Variants in CLP1 observed in about 807,000 individuals in gnomAD.
CLP1 encodes cleavage factor polyribonucleotide kinase subunit 1, also known as polyribonucleotide 5'-hydroxyl-kinase Clp1.
A neutral mutation model predicts 29.9 loss-of-function variants in CLP1; 18 were observed. The observed-to-expected ratio is 0.60, with a 90% CI of 0.42 to 0.89. CLP1 has a LOEUF of 0.89. Among genes scored for constraint, CLP1 ranks in the 40% least tolerant of loss-of-function variants. The pLI is 0.00. For missense variants in CLP1, 357 were observed against 544.8 expected (o/e 0.66, Z 3.43); for synonymous variants, 162 against 206.2 (o/e 0.79, Z 1.84).
At position 57,659,797 on chromosome 11, in the gene CLP1, G is replaced by A. The variant is rs184720631; in HGVS notation, c.321G>A (p.Ala107=). The A allele has an allele frequency of 6.2e-5, 100 of 1,614,142 alleles. No individual in the cohort carries two copies. The Middle Eastern group carries it at 6.6e-4, about 11-fold the overall frequency. Reference sequence around the variant, plus strand: ...CCTTGGAACAGATGCGGAGGCAAGCGGAAAAGGAAGAAGAGCGAGGTCCCC... The same window carrying A: ...CCTTGGAACAGATGCGGAGGCAAGCAGAAAAGGAAGAAGAGCGAGGTCCCC... ...HTALEQMRRQ[A]EKEEERGPRV... is the part of the protein sequence containing the mutation. Residue 107 remains alanine (A), a synonymous_variant, in exon 2 of 3, where the codon GCG becomes GCA. Coordinates refer to ENST00000533682, the MANE Select transcript of CLP1 (RefSeq NM_006831.3).
At chr11:57,658,298 T>G (rs897979797) in intron 1 of CLP1, among the ~76,000 whole-genome samples, 1 of 152,224 alleles carries the variant, frequency 6.6e-6, no homozygotes, top group Non-Finnish European at 1.5e-5. Context: ...GGTCAGGGCA[T>G]CTGTTACCTT....
At position 57,659,887 on chromosome 11, in the gene CLP1, C is replaced by G. The variant is rs376558702; in HGVS notation, c.411C>G (p.Tyr137Ter). Residue 137 changes from tyrosine (Y) to a stop codon, truncating the protein, a stop_gained, in exon 2 of 3, where the codon TAC (tyrosine) becomes TAG (stop). Coordinates refer to ENST00000533682, the MANE Select transcript of CLP1 (RefSeq NM_006831.3). LOFTEE classifies it high-confidence loss of function. Reference protein sequence around the residue: ...KSTVCRLLLNYAVRLGRRPTY... With the variant: ...KSTVCRLLLN ...CAGTGTGTCGCCTTCTGCTCAACTA[C>G]GCAGTGCGTTTGGGCCGCCGTCCCA... 2 of 1,614,182 alleles carry G rather than the reference C, an allele frequency of 1.2e-6. No homozygotes were observed. Among genetic ancestry groups the G allele is most frequent in the Non-Finnish European group, 1.7e-6 (2 of 1,180,042 alleles).
chr11:57,660,152 A>G, intron 2 of CLP1, 70 bp downstream of exon 2: 1 of 1,450,144 alleles, frequency 6.9e-7, no homozygotes, highest in Non-Finnish European at 9.2e-7. Flanking sequence ...GAAGTTTACT[A>G]GTTAACACTG....
chr11:57,660,099 G>T lies in CLP1; in HGVS notation c.606+17G>T, dbSNP rs776825880. 1 of 1,535,938 alleles carries T rather than the reference G, an allele frequency of 6.5e-7. No individual in the cohort carries two copies. The highest frequency in any genetic ancestry group is 2.0e-5 in the Admixed American group (1 of 48,984). ...TATAATAAGGTCAGAGCCAGAGAAA[G>T]GTGGGGTGGAGGGAAGGGCTGCTAT... On this transcript the variant is annotated intron_variant, in intron 2 of 2. Coordinates refer to ENST00000533682, the MANE Select transcript of CLP1 (RefSeq NM_006831.3).
rs781483809 is a variant in CLP1, at chr11:57,659,435, A to T, written c.-22-20A>T. Reference sequence around the variant, plus strand: ...GAAGACTGACTTATAATTAGATCTGATATTTAATTTGTGTTCTAGGCACAG... The same window carrying T: ...GAAGACTGACTTATAATTAGATCTGTTATTTAATTTGTGTTCTAGGCACAG... On this transcript the variant is annotated intron_variant, in intron 1 of 2. Transcript: ENST00000533682. 7 of 1,607,946 alleles carry T rather than the reference A, an allele frequency of 4.4e-6. No individual in the cohort carries two copies. In the East Asian group the frequency reaches 1.6e-4, roughly 36 times the overall value.
intron 2 of CLP1, 151 bp downstream of exon 2, chr11:57,660,233 T>C: frequency 1.2e-6 from 1 of 858,600 alleles, no homozygotes; most frequent in Admixed American, 3.3e-5. Flanking sequence ...TCTCAGATTG[T>C]TAAACATTTC....
Position 57,660,008 on chromosome 11 carries a change from T to C in CLP1, c.532T>C (p.Phe178Leu). ...IERPADVEEGFSIQAPLVYHF... is the reference protein window; with the variant it reads ...IERPADVEEGLSIQAPLVYHF... Reference sequence around the variant, plus strand: ...GCGGCCTGCAGATGTCGAAGAGGGTTTCTCTATCCAGGCCCCTCTGGTGTA... The same window carrying C: ...GCGGCCTGCAGATGTCGAAGAGGGTCTCTCTATCCAGGCCCCTCTGGTGTA... Residue 178 changes from phenylalanine to leucine, a missense_variant, in exon 2 of 3, where the codon TTC becomes CTC. Transcript: ENST00000533682. 6.2e-7 allele frequency: 1 copy of C among 1,613,250 alleles called. No individual in the cohort carries two copies. The highest frequency in any genetic ancestry group is 8.5e-7 in the Non-Finnish European group (1 of 1,179,658).
In CLP1 at chr11:57,660,102, G is replaced by A; in HGVS notation, c.606+20G>A. The A allele has an allele frequency of 6.5e-7, 1 of 1,532,478 alleles. No individual in the cohort carries two copies. The highest frequency in any genetic ancestry group is 1.3e-5 in the South Asian group (1 of 78,178). 94.9% of individuals were successfully genotyped at this position (1,532,478 alleles called of 1,614,324 possible). On this transcript the variant is annotated intron_variant, in intron 2 of 2. Coordinates refer to ENST00000533682, the MANE Select transcript of CLP1 (RefSeq NM_006831.3). ...AATAAGGTCAGAGCCAGAGAAAGGT[G>A]GGGTGGAGGGAAGGGCTGCTATCAG...
rs1945860335 is a variant in CLP1, at chr11:57,660,102, G to T, written c.606+20G>T. 1 of 1,532,478 alleles carries T rather than the reference G, an allele frequency of 6.5e-7. No individual in the cohort carries two copies. Among genetic ancestry groups the T allele is most frequent in the South Asian group, 1.3e-5 (1 of 78,178 alleles). The allele number at this position is 1,532,478 out of a possible 1,614,324, so 94.9% of individuals were successfully genotyped here. A position where few individuals can be genotyped will look rare whatever the true frequency, so the allele number is the denominator to read the frequency against. ...AATAAGGTCAGAGCCAGAGAAAGGT[G>T]GGGTGGAGGGAAGGGCTGCTATCAG... On this transcript the variant is annotated intron_variant, in intron 2 of 2. Coordinates refer to ENST00000533682, the MANE Select transcript of CLP1 (RefSeq NM_006831.3).
chr11:57,658,378 A>T (rs1033617296), intron 1 of CLP1, among the ~76,000 whole-genome samples: 6 of 152,170 alleles, frequency 3.9e-5, no homozygotes, highest in Admixed American at 3.9e-4. Context: ...GTCTGTAGGT[A>T]TGGTTTTTCT....
intron 1 of CLP1, 145 bp from the exon 2 acceptor site, chr11:57,659,310 A>G: frequency 1.4e-6 from 1 of 695,198 alleles, no homozygotes; most frequent in Non-Finnish European, 2.4e-6. Flanking sequence ...GCTAGTCTTG[A>G]ACTCCTGACC....
At position 57,659,810 on chromosome 11, in the gene CLP1, G is replaced by C. The variant is rs1297126544; in HGVS notation, c.334G>C (p.Glu112Gln). The change falls in exon 2 of 3, where the codon GAG becomes CAG. Residue 112 changes from glutamate (E) to glutamine (Q), a missense_variant. Glu to Gln is a conservative substitution (Grantham distance 29). Transcript: ENST00000533682. ...GCGGAGGCAAGCGGAAAAGGAAGAA[G>C]AGCGAGGTCCCCGAGTGATGGTAGT... The part of the protein sequence containing the change: ...QMRRQAEKEE[E>Q]RGPRVMVVGP... The C allele has an allele frequency of 1.9e-6, 3 of 1,614,196 alleles. No homozygotes were observed. The highest frequency in any genetic ancestry group is 2.5e-6 in the Non-Finnish European group (3 of 1,180,040).
chr11:57,661,589 G>A lies in CLP1; in HGVS notation c.*153G>A, dbSNP rs184089253. 3,546 of 632,316 alleles carry A rather than the reference G, an allele frequency of 5.6e-3. 192 individuals are homozygous for A. The Admixed American group carries it at 0.097, about 17-fold the overall frequency. The allele number at this position is 632,316 out of a possible 1,614,324, so 39.2% of individuals were successfully genotyped here. Reference sequence around the variant, plus strand: ...ATTCTACCTCTAAAAACAGGTAGTGGTAACCTGACTCTTCTAATCTTGAAC... The same window carrying A: ...ATTCTACCTCTAAAAACAGGTAGTGATAACCTGACTCTTCTAATCTTGAAC... On this transcript the variant is annotated 3_prime_UTR_variant, in exon 3 of 3. Transcript: ENST00000533682.
intron 1 of CLP1, 73 bp from the exon 2 acceptor site, chr11:57,659,382 C>A: frequency 6.9e-7 from 1 of 1,439,776 alleles, no homozygotes; most frequent in South Asian, 1.3e-5. Flanking sequence ...AGCCACCATG[C>A]CTGGCCCCAT....
chr11:57,659,425 AT>A, intron 1 of CLP1, 29 bp from the exon 2 acceptor site: 1 of 1,602,270 alleles, frequency 6.2e-7, no homozygotes, highest in Non-Finnish European at 8.5e-7. Flanking sequence ...CTGACTTATA[AT>A]TAGATCTGAT....
At position 57,659,787 on chromosome 11, in the gene CLP1, G is replaced by A. The variant is rs745866505; in HGVS notation, c.311G>A (p.Arg104Gln). ...LNTHTALEQM[R>Q]RQAEKEEERG... ...ACTCACACAGCCTTGGAACAGATGC[G>A]GAGGCAAGCGGAAAAGGAAGAAGAG... The change falls in exon 2 of 3, where the codon CGG (arginine) becomes CAG (glutamine). Residue 104 changes from arginine to glutamine, a missense_variant. Coordinates refer to ENST00000533682, the MANE Select transcript of CLP1 (RefSeq NM_006831.3). The A allele has an allele frequency of 8.1e-6, 13 of 1,614,012 alleles. No individual in the cohort carries two copies. Among genetic ancestry groups the A allele is most frequent in the African/African-American group, 5.3e-5 (4 of 74,892 alleles).
Position 57,661,642 on chromosome 11 carries a change from G to A in CLP1, c.*206G>A. ...AAAGGAAAACCATGAGACTGTAATT[G>A]GTTTCTTAGACCACCTAAGATGCCA... On this transcript the variant is annotated 3_prime_UTR_variant, in exon 3 of 3. Coordinates refer to ENST00000533682, the MANE Select transcript of CLP1 (RefSeq NM_006831.3). 2 of 552,838 alleles carry A rather than the reference G, an allele frequency of 3.6e-6. No individual in the cohort carries two copies. The highest frequency in any genetic ancestry group is 6.4e-6 in the Non-Finnish European group (2 of 313,544). The allele number at this position is 552,838 out of a possible 1,614,324, so 34.2% of individuals were successfully genotyped here.
intron 2 of CLP1, 152 bp downstream of exon 2, chr11:57,660,234 T>C (rs1444789837): frequency 1.2e-6 from 1 of 851,860 alleles, no homozygotes; most frequent in Non-Finnish European, 1.7e-6. Context: ...CTCAGATTGT[T>C]AAACATTTCT....
Position 57,659,999 on chromosome 11 carries a change from G to C in CLP1, c.523G>C (p.Glu175Gln), listed in dbSNP as rs145927880. 153 of 1,613,188 alleles carry C rather than the reference G, an allele frequency of 9.5e-5. No homozygotes were observed. The East Asian group carries it at 3.4e-3, about 36-fold the overall frequency. The change falls in exon 2 of 3, where the codon GAA becomes CAA. Residue 175 changes from glutamate (E) to glutamine (Q), a missense_variant. By Grantham distance (29) the Glu-to-Gln change is conservative. Transcript: ENST00000533682. ...ALYIERPADV[E>Q]EGFSIQAPLV... ...CTACATCGAGCGGCCTGCAGATGTC[G>C]AAGAGGGTTTCTCTATCCAGGCCCC...
Sources: gnomAD v4.1 joint callset for allele counts (sites outside exome capture counted in the v4.1 genomes callset) on GRCh38, gnomAD v4.1.1 for gene constraint, MANE v1.5 for transcripts, NCBI Gene and HGNC (gene_info 2026-07-23, HGNC 2026-07-21) for gene names.